The following SLC4A5 variants were observed in gnomAD, a reference collection of about 807,000 sequenced individuals.
SLC4A5 encodes the protein solute carrier family 4 member 5.
A neutral mutation model predicts 120.4 loss-of-function variants in SLC4A5; 96 were observed. The observed-to-expected ratio is 0.80, with a 90% CI of 0.68 to 0.94. SLC4A5 has a LOEUF of 0.94. SLC4A5 is among the 40% of genes least tolerant of loss of function. The pLI is 0.00. For synonymous variants in SLC4A5, 550 were observed against 571.1 expected (o/e 0.96, Z 0.53); for missense variants, 1,259 against 1,459.5 (o/e 0.86, Z 2.24).
chr2:74,226,312 C>T (rs1694839443), intron 27 of SLC4A5, among the ~76,000 whole-genome samples: 1 of 152,202 alleles, frequency 6.6e-6, no homozygotes, highest in Non-Finnish European at 1.5e-5. Flanking sequence ...ACACTCCAGG[C>T]TCCTGGCAAG....
At chr2:74,229,105 T>TTTTTTTTTTTA (rs1694963935) in intron 25 of SLC4A5, among the ~76,000 whole-genome samples, 1 of 13,776 alleles carries the variant, frequency 7.3e-5, no homozygotes, top group Non-Finnish European at 2.4e-4. Context: ...AGATTTGAGC[T>TTTTTTTTTTTA]TTTTTTTTTT....
In SLC4A5 at chr2:74,259,585, T is replaced by C. The variant is rs376397954; in HGVS notation, c.867+3A>G. 3.1e-6 allele frequency: 5 copies of C among 1,614,100 alleles called. No homozygotes were observed. Among genetic ancestry groups the C allele is most frequent in the East Asian group, 4.5e-5 (2 of 44,894 alleles). On this transcript the variant is annotated splice_donor_region_variant and intron_variant, in intron 12 of 30. Transcript: ENST00000394019. ...TTGCAGCTAAGTGCAGGGGTTTTAC[T>C]ACCTGGTCTGTGTTTGGGGTGAGAG...
At chr2:74,306,762 AC>A in intron 6 of SLC4A5, 2 of 1,063,714 alleles carry the variant, frequency 1.9e-6, no homozygotes, top group Non-Finnish European at 2.7e-6. Context: ...ATTCTCAGAC[AC>A]CACTTTGCCA....
In SLC4A5 at chr2:74,255,749, TG is replaced by T; in HGVS notation, c.1025+25del. On this transcript the variant is annotated intron_variant, in intron 13 of 30. Transcript: ENST00000394019. The surrounding 1 kb of genome is among the most constrained non-coding windows in gnomAD (Gnocchi z 4.0). ...GCTGACTGGCTACCTGAGAGTGGCG[TG>T]GGGACAGGTTTCAATGGCTCTCACC... The T allele has an allele frequency of 6.2e-7, 1 of 1,612,278 alleles. No individual in the cohort carries two copies. Among genetic ancestry groups the T allele is most frequent in the Admixed American group, 1.7e-5 (1 of 59,970 alleles).
chr2:74,225,738 G>T (rs1694820026), intron 27 of SLC4A5, among the ~76,000 whole-genome samples: 1 of 152,154 alleles, frequency 6.6e-6, no homozygotes. Flanking sequence ...GAGAATTTAT[G>T]TCTCTAACCA....
intron 16 of SLC4A5, 145 bp from the exon 17 acceptor site, chr2:74,250,662 T>C: frequency 2.1e-6 from 2 of 937,588 alleles, no homozygotes; most frequent in South Asian, 3.2e-5. Context: ...CCAGAACATT[T>C]AGGGCCAGGG....
chr2:74,307,891 C>A, intron 6 of SLC4A5: 1 of 483,548 alleles, frequency 2.1e-6, no homozygotes, highest in Non-Finnish European at 4.0e-6. Context: ...CCAGAGCCCC[C>A]GGCACCTGCA....
At chr2:74,331,520 G>A (rs925167744) in intron 4 of SLC4A5, among the ~76,000 whole-genome samples, 1 of 151,866 alleles carries the variant, frequency 6.6e-6, no homozygotes, top group African/African-American at 2.4e-5. Flanking sequence ...GCTGATAAAT[G>A]TGGAAGAACC....
intron 29 of SLC4A5, 148 bp downstream of exon 29, chr2:74,222,720 A>T (rs1189770680): frequency 4.3e-6 from 3 of 704,164 alleles, no homozygotes; most frequent in Non-Finnish European, 5.0e-6. Flanking sequence ...ATCTTGCACA[A>T]AACTTGTCCC....
intron 17 of SLC4A5, among the ~76,000 whole-genome samples, chr2:74,249,035 T>A (rs535057962): frequency 6.6e-6 from 1 of 152,220 alleles, no homozygotes; most frequent in East Asian, 1.9e-4. Flanking sequence ...GGCTAGATGA[T>A]TCTTTGCTGT....
At chr2:74,287,331 G>A (rs1374322806) in intron 7 of SLC4A5, among the ~76,000 whole-genome samples, 1 of 152,166 alleles carries the variant, frequency 6.6e-6, no homozygotes, top group East Asian at 1.9e-4. Context: ...GGGTGGGGAT[G>A]GCAGCACGGA....
exon 17 of SLC4A5, chr2:74,250,400 A>G (rs755311213): frequency 1.2e-6 from 2 of 1,614,204 alleles, no homozygotes; most frequent in Admixed American, 1.7e-5. Context: ...CGTTGGTGAT[A>G]CAGCCGAGGT....
intron 8 of SLC4A5, among the ~76,000 whole-genome samples, chr2:74,273,412 T>A (rs942237504): frequency 1.3e-5 from 2 of 152,236 alleles, no homozygotes; most frequent in Non-Finnish European, 2.9e-5. Context: ...TACATTTGTG[T>A]GAATTTGTTT....
chr2:74,220,664 C>T (rs1219203356), intron 30 of SLC4A5, among the ~76,000 whole-genome samples: 3 of 150,544 alleles, frequency 2.0e-5, no homozygotes, highest in South Asian at 4.2e-4. Flanking sequence ...CTACAGGCGC[C>T]CACCACCATG....
intron 6 of SLC4A5, chr2:74,307,422 T>G (rs1672677722): frequency 1.6e-6 from 1 of 637,156 alleles, no homozygotes; most frequent in Non-Finnish European, 2.9e-6. Flanking sequence ...TGTCTCCAGC[T>G]ACAGCCGAGT....
At chr2:74,279,339 T>G (rs1320514228) in intron 8 of SLC4A5, among the ~76,000 whole-genome samples, 2 of 152,200 alleles carry the variant, frequency 1.3e-5, no homozygotes, top group African/African-American at 2.4e-5. Context: ...CTTCAGTTCT[T>G]GCGGTACTTC....
At chr2:74,327,200 G>T (rs1673237651) in intron 5 of SLC4A5, among the ~76,000 whole-genome samples, 1 of 152,204 alleles carries the variant, frequency 6.6e-6, no homozygotes, top group Non-Finnish European at 1.5e-5. Context: ...CTAGTAAAAA[G>T]GTTGTGCCAC....
intron 19 of SLC4A5, among the ~76,000 whole-genome samples, chr2:74,244,456 T>G (rs1670543872): frequency 1.1e-5 from 1 of 89,402 alleles, no homozygotes; most frequent in Non-Finnish European, 2.1e-5. Flanking sequence ...TTTTCTTTCC[T>G]TCCTTTTCTT....
At chr2:74,246,190 C>T (rs116024442) in intron 19 of SLC4A5, among the ~76,000 whole-genome samples, 2,946 of 152,302 alleles carry the variant, frequency 0.019, 93 homozygotes, top group African/African-American at 0.068. Context: ...GAAAGTAACT[C>T]CACAGGAGTG....
Sources: gnomAD v4.1 joint callset for allele counts (sites outside exome capture counted in the v4.1 genomes callset) on GRCh38, gnomAD v4.1.1 for gene constraint, Gnocchi (gnomAD v3.1) non-coding constraint, MANE v1.5 for transcripts, NCBI Gene and HGNC (gene_info 2026-07-23, HGNC 2026-07-21) for gene names.